The following IL20RB variants were observed in gnomAD, a reference collection of about 807,000 sequenced individuals.
IL20RB encodes the protein interleukin-20 receptor subunit beta.
In IL20RB, 21 loss-of-function variants were observed where a neutral mutation model predicts 33.3. That is an observed-to-expected ratio of 0.63 (90% confidence interval 0.45 to 0.91). The LOEUF is 0.91. Among genes scored for constraint, IL20RB ranks in the 40% least tolerant of loss-of-function variants. The probability of loss-of-function intolerance (pLI) is 0.00; values close to 1 mark genes in which losing one functional copy is unlikely to be tolerated. For missense variants in IL20RB, 345 were observed against 384.8 expected (o/e 0.90, Z 0.86); for synonymous variants, 147 against 146.8 (o/e 1.00, Z -0.01).
At chr3:136,981,848 G>T (rs1941783075) in intron 2 of IL20RB, among the ~76,000 whole-genome samples, 1 of 152,188 alleles carries the variant, frequency 6.6e-6, no homozygotes, top group South Asian at 2.1e-4. Flanking sequence ...AGAATGGCAG[G>T]TGTCCAAGCT....
At chr3:137,004,373 C>T (rs535527607) in intron 6 of IL20RB, among the ~76,000 whole-genome samples, 9 of 152,242 alleles carry the variant, frequency 5.9e-5, no homozygotes, top group South Asian at 4.2e-4. Flanking sequence ...TGGTAGAATT[C>T]GGCTGTGAAT....
At chr3:136,984,566 T>G (rs775838212) in intron 3 of IL20RB, among the ~76,000 whole-genome samples, 5 of 151,798 alleles carry the variant, frequency 3.3e-5, no homozygotes, top group Non-Finnish European at 5.9e-5. Flanking sequence ...AGCATTCGGA[T>G]GAGTCAAAAT....
intron 6 of IL20RB, among the ~76,000 whole-genome samples, chr3:137,000,436 A>G (rs4470449): frequency 0.076 from 11,623 of 152,306 alleles, 600 homozygotes; most frequent in South Asian, 0.12. Context: ...AAAAACAGTA[A>G]GACTATGGCA....
At chr3:137,002,358 C>A (rs1942263000) in intron 6 of IL20RB, among the ~76,000 whole-genome samples, 2 of 152,182 alleles carry the variant, frequency 1.3e-5, no homozygotes, top group Non-Finnish European at 2.9e-5. Context: ...ACACTGTCTT[C>A]CACAATGGTT....
At chr3:137,000,071 T>G (rs1007158503) in intron 6 of IL20RB, among the ~76,000 whole-genome samples, 6 of 152,352 alleles carry the variant, frequency 3.9e-5, no homozygotes, top group African/African-American at 1.4e-4. Flanking sequence ...GATTACAGTC[T>G]GGATATTGCC....
At chr3:136,999,312 G>A (rs547765402) in intron 6 of IL20RB, among the ~76,000 whole-genome samples, 1 of 152,206 alleles carries the variant, frequency 6.6e-6, no homozygotes, top group East Asian at 1.9e-4. Context: ...GTCCAGGTTG[G>A]TCTTGAACTC....
Position 136,989,487 on chromosome 3 carries a change from C to G in IL20RB, c.453C>G (p.His151Gln), listed in dbSNP as rs148720379. The change falls in exon 4 of 7, where the codon CAC (histidine) becomes CAG (glutamine). Residue 151 changes from histidine (H) to glutamine (Q), a missense_variant. Physicochemically the swap from His to Gln is conservative, Grantham distance 24. Transcript: ENST00000329582. The stretch of plus-strand genomic sequence containing the variant: ...TGGAGATCACCAAAGATGGCTTCCA[C>G]CTGGTTATTGAGCTGGAGGACCTGG... ...PGMEITKDGF[H>Q]LVIELEDLGP... The G allele has an allele frequency of 5.4e-4, 872 of 1,614,042 alleles. 7 individuals carry two copies. The highest frequency in any genetic ancestry group is 1.9e-4 in the Non-Finnish European group (227 of 1,179,930).
At chr3:136,989,054 T>G (rs1941973336) in intron 3 of IL20RB, among the ~76,000 whole-genome samples, 1 of 152,162 alleles carries the variant, frequency 6.6e-6, no homozygotes, top group Admixed American at 6.5e-5. Flanking sequence ...CAATTTCTGC[T>G]GAAAAAGTGG....
chr3:136,986,752 C>T (rs1341764140), intron 3 of IL20RB: 2 of 456,942 alleles, frequency 4.4e-6, no homozygotes, highest in East Asian at 1.4e-4. Context: ...CTTGATCTCA[C>T]TGACTTCAAG....
rs1941358779 is a variant in IL20RB at position 136,966,616 on chromosome 3, T to C, written c.88+8415T>C. On this transcript the variant is annotated intron_variant, in intron 1 of 6. Coordinates refer to ENST00000329582, the MANE Select transcript of IL20RB (RefSeq NM_144717.4). ...TTCTTTATTAGTCTTGCTAGCGGTCTATCAATTTTGTTGATCCTTTCAAAA... is the reference window on the plus strand; with the variant it reads ...TTCTTTATTAGTCTTGCTAGCGGTCCATCAATTTTGTTGATCCTTTCAAAA... Among the ~76,000 whole-genome samples the C allele has an allele frequency of 2.5e-5, 2 of 79,138 alleles. 1 individual carries two copies. 51.9% of individuals were successfully genotyped at this position (79,138 alleles called of 152,430 possible).
At chr3:136,999,106 AT>A (rs1040132433) in intron 6 of IL20RB, among the ~76,000 whole-genome samples, 12 of 149,082 alleles carry the variant, frequency 8.0e-5, no homozygotes, top group African/African-American at 2.2e-4. Context: ...TTTTCTTTTT[AT>A]TTTTTTAGAG....
At chr3:137,001,215 A>G (rs563489017) in intron 6 of IL20RB, among the ~76,000 whole-genome samples, 125 of 152,274 alleles carry the variant, frequency 8.2e-4, no homozygotes, top group Admixed American at 9.8e-4. Flanking sequence ...ACCCTTGACT[A>G]CCTTTTGCTT....
rs577004991 is a variant in IL20RB, at chr3:136,972,211, T to C, written c.89-8255T>C. On this transcript the variant is annotated intron_variant, in intron 1 of 6. Coordinates refer to ENST00000329582, the MANE Select transcript of IL20RB (RefSeq NM_144717.4). ...TTTTAGTGTTGTTATTTGAGTTTTT[T>C]GTATATTCTGGATATTACTCTGTTG... Among the ~76,000 whole-genome samples, 13 of 152,368 alleles carry C rather than the reference T, an allele frequency of 8.5e-5. No homozygotes were observed. The South Asian group carries it at 2.5e-3, about 29-fold the overall frequency.
chr3:136,963,399 C>T lies in IL20RB; in HGVS notation c.88+5198C>T, dbSNP rs144319917. On this transcript the variant is annotated intron_variant, in intron 1 of 6. Coordinates refer to ENST00000329582, the MANE Select transcript of IL20RB (RefSeq NM_144717.4). ...TTGAAAAAGAGTATCATTTTACATT[C>T]CTACCAACAATGTATAAGTGATCCA... Among the ~76,000 whole-genome samples, 1,041 of 152,272 alleles carry T rather than the reference C, an allele frequency of 6.8e-3. 11 individuals are homozygous for T. The highest frequency in any genetic ancestry group is 0.024 in the African/African-American group (991 of 41,544).
At chr3:136,982,064 T>A in intron 2 of IL20RB, 96 bp from the exon 3 acceptor site, 1 of 804,846 alleles carries the variant, frequency 1.2e-6, no homozygotes, top group Non-Finnish European at 1.9e-6. Context: ...TTTACTTACC[T>A]GTACAAAGTA....
chr3:136,967,331 A>G (rs1202452456), intron 1 of IL20RB, among the ~76,000 whole-genome samples: 1 of 112,648 alleles, frequency 8.9e-6, no homozygotes, highest in African/African-American at 3.5e-5. Flanking sequence ...GTGGGAGTCT[A>G]AGTCTCTTTG....
chr3:137,005,855 A>G (rs1942339435), intron 6 of IL20RB, among the ~76,000 whole-genome samples: 1 of 152,148 alleles, frequency 6.6e-6, no homozygotes, highest in Non-Finnish European at 1.5e-5. Flanking sequence ...GTTTCTTCCT[A>G]GCGTCGATGG....
chr3:136,988,356 G>T (rs1183786516), intron 3 of IL20RB, among the ~76,000 whole-genome samples: 2 of 152,180 alleles, frequency 1.3e-5, no homozygotes, highest in Non-Finnish European at 2.9e-5. Flanking sequence ...ATCCACAAGG[G>T]CTGTGGGCCT....
intron 3 of IL20RB, among the ~76,000 whole-genome samples, chr3:136,987,535 C>G (rs1485007693): frequency 6.6e-6 from 1 of 152,264 alleles, no homozygotes; most frequent in East Asian, 1.9e-4. Flanking sequence ...CCCAGTGGAT[C>G]CCGCACCAGG....
Sources: allele counts gnomAD v4.1 joint callset (sites outside exome capture counted in the v4.1 genomes callset), GRCh38; gene constraint gnomAD v4.1.1; transcripts MANE v1.5; gene names NCBI Gene and HGNC (gene_info 2026-07-23, HGNC 2026-07-21).